TIPARP: variants seen among roughly 807,000 people sequenced by gnomAD.
The protein encoded by TIPARP is TCDD inducible poly(ADP-ribose) polymerase.
In TIPARP, 12 loss-of-function variants were observed where a neutral mutation model predicts 56.5. The observed-to-expected ratio is 0.21, with a 90% CI of 0.14 to 0.34. The LOEUF is 0.34. TIPARP is among the 10% of genes least tolerant of loss of function. The pLI, the probability that TIPARP is intolerant of heterozygous loss-of-function variation, is 1.00. For synonymous variants in TIPARP, 296 were observed against 265.7 expected, an observed-to-expected ratio of 1.11 and a Z score of -1.11; for missense variants, 604 against 781.6, an observed-to-expected ratio of 0.77 and a Z score of 2.71.
intron 2 of TIPARP, 26 bp from the exon 3 acceptor site, chr3:156,693,994 T>G (rs199900927): frequency 5.8e-4 from 903 of 1,560,294 alleles, no homozygotes; most frequent in Non-Finnish European, 7.2e-4. Flanking sequence ...GGTTTTTGGG[T>G]TTTTTTTGTT....
Position 156,694,176 on chromosome 3 carries a change from A to G in TIPARP, c.1074A>G (p.Arg358=). ...KFFCRDHFGW[R]EYPESVIRLI... is the part of the protein sequence containing the mutation. ...TCTGTAGGGACCACTTTGGATGGAG[A>G]GAGTATCCCGAGGTATTTACAGATT... The change falls in exon 3 of 6, where the codon AGA becomes AGG. Residue 358 remains arginine (R), a synonymous_variant. Transcript: ENST00000295924. 1 of 1,600,524 alleles carries G rather than the reference A, an allele frequency of 6.2e-7. No homozygotes were observed. Among genetic ancestry groups the G allele is most frequent in the South Asian group, 1.1e-5 (1 of 87,454 alleles).
intron 2 of TIPARP, among the ~76,000 whole-genome samples, chr3:156,683,252 A>C (rs1016659241): frequency 2.0e-5 from 3 of 152,170 alleles, no homozygotes; most frequent in African/African-American, 7.2e-5. Context: ...GATACATTAT[A>C]TATTTTATCA....
At chr3:156,680,194 A>G (rs1416046322) in intron 2 of TIPARP, among the ~76,000 whole-genome samples, 1 of 152,164 alleles carries the variant, frequency 6.6e-6, no homozygotes, top group Non-Finnish European at 1.5e-5. Flanking sequence ...TCAAGAGTGT[A>G]GTTTTCCTGA....
At chr3:156,700,459 A>G (rs1024841037) in intron 4 of TIPARP, among the ~76,000 whole-genome samples, 2 of 152,138 alleles carry the variant, frequency 1.3e-5, no homozygotes, top group African/African-American at 4.8e-5. Flanking sequence ...GGTGTTAAAG[A>G]GGCCACAATT....
In TIPARP at chr3:156,705,204, ACT is replaced by A; in HGVS notation, c.*74_*75del. ...TTGTAGCAGGTTTTGAATGGGTGGG[ACT>A]GGGTGGGGAACAGCATTGGACATTA... On this transcript the variant is annotated 3_prime_UTR_variant, in exon 6 of 6. Transcript: ENST00000295924. The A allele has an allele frequency of 3.4e-6, 2 of 593,766 alleles. No individual in the cohort carries two copies. Among genetic ancestry groups the A allele is most frequent in the East Asian group, 4.3e-5 (1 of 23,022 alleles). The allele number at this position is 593,766 out of a possible 1,614,324, so 36.8% of individuals were successfully genotyped here.
At chr3:156,682,570 C>T (rs1246330135) in intron 2 of TIPARP, among the ~76,000 whole-genome samples, 1 of 152,186 alleles carries the variant, frequency 6.6e-6, no homozygotes, top group Non-Finnish European at 1.5e-5. Flanking sequence ...GTTACAGTCC[C>T]TATATGACTT....
chr3:156,675,075 G>C (rs1035232869), intron 1 of TIPARP: 9 of 152,350 alleles, frequency 5.9e-5, no homozygotes, highest in African/African-American at 2.2e-4. Flanking sequence ...GGTCGCAGGC[G>C]CCTGCCCCTT....
chr3:156,688,013 T>C (rs1279194519), intron 2 of TIPARP, among the ~76,000 whole-genome samples: 1 of 152,210 alleles, frequency 6.6e-6, no homozygotes. Context: ...CAAAAATCTT[T>C]TGAGGTATTC....
intron 3 of TIPARP, among the ~76,000 whole-genome samples, chr3:156,694,513 G>T (rs1479625574): frequency 6.6e-6 from 1 of 152,194 alleles, no homozygotes; most frequent in East Asian, 1.9e-4. Flanking sequence ...ATGAGAATTG[G>T]TATAACTTTT....
intron 2 of TIPARP, among the ~76,000 whole-genome samples, chr3:156,681,714 T>C (rs1722312073): frequency 6.6e-6 from 1 of 152,218 alleles, no homozygotes; most frequent in Admixed American, 6.5e-5. Context: ...TACATGCTTA[T>C]TTGTTCCTTG....
Position 156,705,185 on chromosome 3 carries a change from C to A in TIPARP, c.*54C>A. On this transcript the variant is annotated 3_prime_UTR_variant, in exon 6 of 6. Coordinates refer to ENST00000295924, the MANE Select transcript of TIPARP (RefSeq NM_015508.5). ...TATGAACTCAATCCAGCATTTGTAG[C>A]AGGTTTTGAATGGGTGGGACTGGGT... The A allele has an allele frequency of 1.4e-5, 13 of 928,886 alleles. No individual in the cohort carries two copies. Among genetic ancestry groups the A allele is most frequent in the South Asian group, 1.5e-5 (1 of 65,184 alleles). The allele number at this position is 928,886 out of a possible 1,614,324, so 57.5% of individuals were successfully genotyped here.
At chr3:156,679,187 T>A (rs1272941531) in intron 2 of TIPARP, among the ~76,000 whole-genome samples, 2 of 152,164 alleles carry the variant, frequency 1.3e-5, no homozygotes, top group African/African-American at 4.8e-5. Context: ...AAATAAATTT[T>A]TCCAGAATTT....
At chr3:156,696,105 A>T in intron 4 of TIPARP, 80 bp downstream of exon 4, 1 of 1,481,210 alleles carries the variant, frequency 6.8e-7, no homozygotes, top group Admixed American at 2.4e-5. Context: ...TAAAAAATAA[A>T]TAAGAGTCTA....
chr3:156,687,180 A>G (rs572898263), intron 2 of TIPARP, among the ~76,000 whole-genome samples: 7 of 152,200 alleles, frequency 4.6e-5, no homozygotes, highest in Admixed American at 2.0e-4. Flanking sequence ...TCATCAGGCT[A>G]TGGTTGAGAA....
chr3:156,686,092 ATCCT>A (rs1048826878), intron 2 of TIPARP, among the ~76,000 whole-genome samples: 12 of 152,224 alleles, frequency 7.9e-5, no homozygotes, highest in African/African-American at 2.7e-4. Context: ...AAAGAAAGAC[ATCCT>A]TGAATCTGTG....
intron 3 of TIPARP, among the ~76,000 whole-genome samples, chr3:156,694,534 G>A (rs1431903944): frequency 6.6e-6 from 1 of 152,154 alleles, no homozygotes; most frequent in Non-Finnish European, 1.5e-5. Context: ...GATTATATCT[G>A]GCTCTTGGGC....
intron 3 of TIPARP, among the ~76,000 whole-genome samples, 168 bp downstream of exon 3, chr3:156,694,356 T>C (rs1030026842): frequency 5.9e-5 from 9 of 152,238 alleles, no homozygotes; most frequent in African/African-American, 2.2e-4. Context: ...TTTTCTCTTT[T>C]TCTTAAAATT....
In TIPARP at chr3:156,704,766, G is replaced by A. The variant is rs1291975962; in HGVS notation, c.1609G>A (p.Asp537Asn). 6.2e-7 allele frequency: 1 copy of A among 1,614,218 alleles called. No homozygotes were observed. Among genetic ancestry groups the A allele is most frequent in the Non-Finnish European group, 8.5e-7 (1 of 1,180,032 alleles). Reference protein sequence around the residue: ...ERHLFHGTSQDVVDGICKHNF... With the variant: ...ERHLFHGTSQNVVDGICKHNF... ...ACATTTATTTCATGGAACATCCCAG[G>A]ATGTGGTAGATGGAATCTGCAAACA... Residue 537 changes from aspartate (D) to asparagine (N), a missense_variant, in exon 6 of 6, where the codon GAT (aspartate) becomes AAT (asparagine). Physicochemically the swap from Asp to Asn is conservative, Grantham distance 23. This residue lies in a region of TIPARP where 77 missense variants were observed against 161.0 expected (regional missense o/e 0.48). Coordinates refer to ENST00000295924, the MANE Select transcript of TIPARP (RefSeq NM_015508.5).
intron 2 of TIPARP, among the ~76,000 whole-genome samples, chr3:156,680,362 A>G (rs949482266): frequency 9.2e-5 from 14 of 152,186 alleles, no homozygotes; most frequent in African/African-American, 3.4e-4. Flanking sequence ...AATCTTTTTA[A>G]TAAGGTATTT....
Sources: gnomAD v4.1 joint callset for allele counts (sites outside exome capture counted in the v4.1 genomes callset) on GRCh38, gnomAD v4.1.1 for gene constraint, gnomAD v4.1.1 regional missense constraint, MANE v1.5 for transcripts, NCBI Gene and HGNC (gene_info 2026-07-23, HGNC 2026-07-21) for gene names.